The following HAPLN1 variants were observed in gnomAD, a reference collection of about 807,000 sequenced individuals.
HAPLN1 encodes Cartilage link protein.
HAPLN1 carries 13 observed loss-of-function variants against 36.5 expected under a neutral mutation model. That is an observed-to-expected ratio of 0.36 (90% CI 0.23 to 0.57). The LOEUF is 0.57. Among genes scored for constraint, HAPLN1 ranks in the 20% least tolerant of loss-of-function variants. HAPLN1 has a pLI of 0.83. For missense variants in HAPLN1, 407 were observed against 439.7 expected, an observed-to-expected ratio of 0.93 and a Z score of 0.66; for synonymous variants, 202 against 169.8, an observed-to-expected ratio of 1.19 and a Z score of -1.48.
At chr5:83,662,652 T>TG (rs1249111035) in intron 2 of HAPLN1, among the ~76,000 whole-genome samples, 1 of 152,190 alleles carries the variant, frequency 6.6e-6, no homozygotes, top group East Asian at 1.9e-4. Flanking sequence ...TCAAAGGATA[T>TG]GGGGAAACGA....
chr5:83,645,865 T>C (rs1749858712), intron 3 of HAPLN1, among the ~76,000 whole-genome samples: 1 of 152,178 alleles, frequency 6.6e-6, no homozygotes, highest in South Asian at 2.1e-4. Flanking sequence ...GTTTGAAACA[T>C]TTTTATTATA....
chr5:83,678,220 G>GGTGT lies in HAPLN1; in HGVS notation c.-26-4675_-26-4672dup, dbSNP rs56962854. Among the ~76,000 whole-genome samples the GGTGT allele has an allele frequency of 3.1e-3, 436 of 142,632 alleles. 3 individuals carry two copies. The highest frequency in any genetic ancestry group is 7.6e-3 in the South Asian group (32 of 4,210). 93.6% of individuals were successfully genotyped at this position (142,632 alleles called of 152,430 possible). On this transcript the variant is annotated intron_variant, in intron 1 of 4. Transcript: ENST00000274341. ...CATTTTCCTTTTTATCTATAGTTTGGGTGTGTGTGTGTGTGTGTGTGTGTG... is the reference window on the plus strand; with the variant it reads ...CATTTTCCTTTTTATCTATAGTTTGGGTGTGTGTGTGTGTGTGTGTGTGTGTGTG...
chr5:83,661,069 C>T lies in HAPLN1; in HGVS notation c.101-8245G>A, dbSNP rs557556390. On this transcript the variant is annotated intron_variant, in intron 2 of 4. Transcript: ENST00000274341. ...GTGTTGGTTCCTGAGAAATTCACAT[C>T]TCATCAACTCTTGAGGATCGCCTAA... Among the ~76,000 whole-genome samples the T allele has an allele frequency of 3.3e-5, 5 of 152,276 alleles. No homozygotes were observed. The South Asian group carries it at 1.0e-3, about 32-fold the overall frequency.
intron 2 of HAPLN1, among the ~76,000 whole-genome samples, chr5:83,671,758 C>T (rs915308079): frequency 6.6e-6 from 1 of 152,168 alleles, no homozygotes; most frequent in Non-Finnish European, 1.5e-5. Context: ...TTCCACAAGC[C>T]AAATATAGTT....
Position 83,652,633 on chromosome 5 carries a change from T to C in HAPLN1, c.292A>G (p.Met98Val). ...CCATAGGTTTTTTTGTGGTATCCCATGGAAACAAAAACATCCACTTCCTTG... is the reference window on the plus strand; with the variant it reads ...CCATAGGTTTTTTTGTGGTATCCCACGGAAACAAAAACATCCACTTCCTTG... Reference protein sequence around the residue: ...YLKEVDVFVSMGYHKKTYGGY... With the variant: ...YLKEVDVFVSVGYHKKTYGGY... The change falls in exon 3 of 5, where the codon ATG (methionine) becomes GTG (valine). Residue 98 changes from methionine (M) to valine (V), a missense_variant. Physicochemically the swap from Met to Val is conservative, Grantham distance 21. Transcript: ENST00000274341. 1 of 1,614,140 alleles carries C rather than the reference T, an allele frequency of 6.2e-7. No individual in the cohort carries two copies. The highest frequency in any genetic ancestry group is 8.5e-7 in the Non-Finnish European group (1 of 1,180,004).
intron 2 of HAPLN1, among the ~76,000 whole-genome samples, chr5:83,667,955 A>T (rs1250644060): frequency 6.6e-6 from 1 of 152,230 alleles, no homozygotes; most frequent in African/African-American, 2.4e-5. Context: ...AAAATTTGCA[A>T]CCCAAATTCA....
At chr5:83,706,267 CACA>C (rs1336946247) in intron 1 of HAPLN1, among the ~76,000 whole-genome samples, 1 of 152,066 alleles carries the variant, frequency 6.6e-6, no homozygotes, top group Admixed American at 6.5e-5. Context: ...ATATGACAGA[CACA>C]ACAACAACAT....
chr5:83,643,925 A>T (rs1012921377), intron 4 of HAPLN1, among the ~76,000 whole-genome samples: 1 of 152,164 alleles, frequency 6.6e-6, no homozygotes, highest in African/African-American at 2.4e-5. Flanking sequence ...CTTACTCCCC[A>T]CTTTGTCCTG....
chr5:83,688,514 T>G (rs1210532798), intron 1 of HAPLN1, among the ~76,000 whole-genome samples: 1 of 152,206 alleles, frequency 6.6e-6, no homozygotes, highest in Non-Finnish European at 1.5e-5. Context: ...ACTAGCGTAA[T>G]TGCCAAATCA....
chr5:83,675,813 T>A (rs1228928123), intron 1 of HAPLN1, among the ~76,000 whole-genome samples: 2 of 152,198 alleles, frequency 1.3e-5, no homozygotes, highest in East Asian at 3.8e-4. Context: ...ATGGATTCCT[T>A]AGAACAATAA....
chr5:83,688,314 G>T (rs561962051), intron 1 of HAPLN1, among the ~76,000 whole-genome samples: 1 of 152,212 alleles, frequency 6.6e-6, no homozygotes, highest in Non-Finnish European at 1.5e-5. Flanking sequence ...CATCCACTTT[G>T]GCTGCCTCTC....
At chr5:83,686,261 G>A (rs975091021) in intron 1 of HAPLN1, among the ~76,000 whole-genome samples, 3 of 151,848 alleles carry the variant, frequency 2.0e-5, no homozygotes, top group African/African-American at 7.3e-5. Flanking sequence ...TCCACTCCTG[G>A]CATAATTAAC....
chr5:83,682,993 T>C (rs72772917), intron 1 of HAPLN1, among the ~76,000 whole-genome samples: 42,851 of 151,880 alleles, frequency 0.28, 6,566 homozygotes, highest in East Asian at 0.41. Context: ...AAACTACTGC[T>C]GTAGACTTCA....
At chr5:83,669,284 C>T (rs1308433788) in intron 2 of HAPLN1, among the ~76,000 whole-genome samples, 1 of 152,092 alleles carries the variant, frequency 6.6e-6, no homozygotes, top group Non-Finnish European at 1.5e-5. Flanking sequence ...GGGCTGATCA[C>T]CTGAGGTCAG....
intron 1 of HAPLN1, among the ~76,000 whole-genome samples, chr5:83,678,821 A>T (rs979139573): frequency 6.6e-6 from 1 of 152,252 alleles, no homozygotes; most frequent in African/African-American, 2.4e-5. Flanking sequence ...AATATTTGGC[A>T]TACTGCTTCT....
At chr5:83,663,064 A>T (rs1438321101) in intron 2 of HAPLN1, among the ~76,000 whole-genome samples, 6 of 152,218 alleles carry the variant, frequency 3.9e-5, no homozygotes, top group African/African-American at 1.4e-4. Context: ...CAGGTGGGCA[A>T]GGCTGAGGGG....
At chr5:83,690,330 T>A (rs16898) in intron 1 of HAPLN1, among the ~76,000 whole-genome samples, 1 of 151,860 alleles carries the variant, frequency 6.6e-6, no homozygotes, top group Non-Finnish European at 1.5e-5. Context: ...AAGGCGATCA[T>A]AAAAGCCAAA....
intron 1 of HAPLN1, among the ~76,000 whole-genome samples, chr5:83,719,661 A>G (rs868585189): frequency 6.6e-6 from 1 of 152,230 alleles, no homozygotes; most frequent in African/African-American, 2.4e-5. Flanking sequence ...GATAACTACT[A>G]TGATATACTT....
chr5:83,665,091 A>G (rs1219516090), intron 2 of HAPLN1, among the ~76,000 whole-genome samples: 2 of 152,184 alleles, frequency 1.3e-5, no homozygotes, highest in African/African-American at 4.8e-5. Context: ...GAAAGTAAGA[A>G]TTGTTCATAA....
Sources: allele counts gnomAD v4.1 joint callset (sites outside exome capture counted in the v4.1 genomes callset), GRCh38; gene constraint gnomAD v4.1.1; transcripts MANE v1.5; gene names NCBI Gene and HGNC (gene_info 2026-07-23, HGNC 2026-07-21).